PRMT2: variants seen among roughly 807,000 people sequenced by gnomAD.
The protein encoded by PRMT2 is protein arginine N-methyltransferase 2.
In PRMT2, 26 loss-of-function variants were observed where a neutral mutation model predicts 57.6. The observed-to-expected ratio is 0.45, with a 90% confidence interval of 0.33 to 0.63. The LOEUF (loss-of-function observed/expected upper bound fraction) is 0.63. PRMT2 is among the 20% of genes least tolerant of loss of function. The pLI is 0.02. For missense variants in PRMT2, 472 were observed against 564.4 expected (o/e 0.84, Z 1.66); for synonymous variants, 219 against 220.0 (o/e 1.00, Z 0.04).
At chr21:46,661,983 G>T in intron 10 of PRMT2, 47 bp downstream of exon 10, 2 of 265,146 alleles carry the variant, frequency 7.5e-6, no homozygotes, top group African/African-American at 5.1e-5. Flanking sequence ...GGGGGCAGGG[G>T]AGTAGGCGGG....
chr21:46,644,863 C>T (rs1471714271), intron 5 of PRMT2, among the ~76,000 whole-genome samples: 1 of 152,014 alleles, frequency 6.6e-6, no homozygotes, highest in African/African-American at 2.4e-5. Context: ...CGACCCCTGG[C>T]TTAGAGATAT....
chr21:46,643,090 A>C lies in PRMT2; in HGVS notation c.40-445A>C, dbSNP rs532783329. Among the ~76,000 whole-genome samples the C allele has an allele frequency of 3.8e-4, 58 of 152,134 alleles. No individual in the cohort carries two copies. In the South Asian group the frequency reaches 0.011, roughly 28 times the overall value. On this transcript the variant is annotated intron_variant, in intron 3 of 11. Coordinates refer to ENST00000355680, the MANE Select transcript of PRMT2 (RefSeq NM_206962.4). ...GGCTCCAAGGACCTGTGTGGGTCCAAGCTGGGCTCTGCTGCCTCGTGGAGG... is the reference window on the plus strand; with the variant it reads ...GGCTCCAAGGACCTGTGTGGGTCCACGCTGGGCTCTGCTGCCTCGTGGAGG...
intron 7 of PRMT2, chr21:46,653,707 GC>G: frequency 1.6e-6 from 2 of 1,258,132 alleles, no homozygotes; most frequent in Non-Finnish European, 2.0e-6. Flanking sequence ...TAGTTCTGGT[GC>G]CCACACGCAC....
rs1402285790 is a variant in PRMT2 at position 46,649,176 on chromosome 21, C to G, written c.490-399C>G. Among the ~76,000 whole-genome samples, 1 of 152,192 alleles carries G rather than the reference C, an allele frequency of 6.6e-6. No individual in the cohort carries two copies. Among genetic ancestry groups the G allele is most frequent in the Admixed American group, 6.5e-5 (1 of 15,276 alleles). On this transcript the variant is annotated intron_variant, in intron 6 of 11. Transcript: ENST00000355680. This position sits in a 1 kb window ranked among gnomAD's most constrained non-coding sequence, Gnocchi z 4.8. ...AGCGCTTGGGTGCTTCCCACCAGAC[C>G]CTTCCCTGAGAACCTGGGTTTGAAA...
intron 3 of PRMT2, among the ~76,000 whole-genome samples, chr21:46,640,827 G>C (rs2061259183): frequency 6.7e-6 from 1 of 150,180 alleles, no homozygotes; most frequent in Non-Finnish European, 1.5e-5. Context: ...TTTTGCTGCT[G>C]TTTGACATGT....
In PRMT2 at chr21:46,649,525, C is replaced by G; in HGVS notation, c.490-50C>G. On this transcript the variant is annotated intron_variant, in intron 6 of 11. Transcript: ENST00000355680. The surrounding 1 kb of genome is among the most constrained non-coding windows in gnomAD (Gnocchi z 4.8). ...GGTTGTGACTCAGGAGAGTAGATGA[C>G]GGGCCGTGTGCCGGCCGGATGTACG... The G allele has an allele frequency of 6.2e-7, 1 of 1,612,920 alleles. No homozygotes were observed. The highest frequency in any genetic ancestry group is 1.3e-5 in the African/African-American group (1 of 75,010).
chr21:46,643,741 T>G, intron 4 of PRMT2, 102 bp downstream of exon 4: 319 of 1,363,114 alleles, frequency 2.3e-4, no homozygotes, highest in Non-Finnish European at 2.9e-4. Context: ...TGAAGAGGTA[T>G]TCAGATGCGT....
At chr21:46,643,338 T>C in intron 3 of PRMT2, 197 bp from the exon 4 acceptor site, 13 of 1,094,888 alleles carry the variant, frequency 1.2e-5, no homozygotes, top group Middle Eastern at 3.6e-4. Flanking sequence ...AGATAATTTT[T>C]TTTTTTAGAA....
chr21:46,660,171 T>G, intron 8 of PRMT2: 2 of 978,528 alleles, frequency 2.0e-6, no homozygotes, highest in South Asian at 9.5e-5. Flanking sequence ...TTTGCTTATT[T>G]TTTACAACAT....
intron 5 of PRMT2, among the ~76,000 whole-genome samples, chr21:46,646,733 G>A (rs77198355): frequency 5.3e-5 from 8 of 152,180 alleles, no homozygotes; most frequent in Non-Finnish European, 8.8e-5. Context: ...TGTGTGTGTA[G>A]TGTGTACATG....
chr21:46,644,283 A>T, intron 4 of PRMT2, 23 bp from the exon 5 acceptor site: 1 of 1,597,802 alleles, frequency 6.3e-7, no homozygotes, highest in South Asian at 1.1e-5. Context: ...TTTCTTATTG[A>T]ATTTTAACTT....
intron 5 of PRMT2, among the ~76,000 whole-genome samples, chr21:46,646,875 G>T (rs545362021): frequency 1.9e-4 from 29 of 152,162 alleles, no homozygotes; most frequent in Admixed American, 1.6e-3. Context: ...TTTGTTTCTC[G>T]CAGTTCTGGA....
chr21:46,650,561 A>G (rs1181561837), intron 7 of PRMT2, among the ~76,000 whole-genome samples: 1 of 152,252 alleles, frequency 6.6e-6, no homozygotes, highest in Non-Finnish European at 1.5e-5. Flanking sequence ...CTGTGGAGCC[A>G]TAAGATGACA....
At chr21:46,659,818 G>T in intron 8 of PRMT2, 1 of 985,408 alleles carries the variant, frequency 1.0e-6, no homozygotes, top group Non-Finnish European at 1.2e-6. Context: ...TCCATCTGGT[G>T]GAGCACTGCT....
intron 5 of PRMT2, among the ~76,000 whole-genome samples, chr21:46,645,084 G>A (rs934322072): frequency 2.1e-5 from 3 of 144,432 alleles, no homozygotes; most frequent in African/African-American, 5.0e-5. Context: ...AATATAATTC[G>A]TCTCTACAAA....
chr21:46,637,769 A>G (rs1005394737), intron 3 of PRMT2, among the ~76,000 whole-genome samples: 7 of 121,774 alleles, frequency 5.7e-5, no homozygotes, highest in Non-Finnish European at 1.3e-4. Context: ...GTGTATATAC[A>G]TATATGTGTG....
chr21:46,660,757 G>A (rs1601954593), intron 8 of PRMT2, 76 bp from the exon 9 acceptor site: 8 of 1,541,616 alleles, frequency 5.2e-6, no homozygotes, highest in South Asian at 1.2e-5. Flanking sequence ...AGCACTCACC[G>A]CGGTCCCACG....
chr21:46,648,671 T>C lies in PRMT2; in HGVS notation c.489+52T>C. 6.3e-7 allele frequency: 1 copy of C among 1,593,100 alleles called. No individual in the cohort carries two copies. Among genetic ancestry groups the C allele is most frequent in the Non-Finnish European group, 8.6e-7 (1 of 1,165,990 alleles). On this transcript the variant is annotated intron_variant, in intron 6 of 11. Coordinates refer to ENST00000355680, the MANE Select transcript of PRMT2 (RefSeq NM_206962.4). This position sits in a 1 kb window ranked among gnomAD's most constrained non-coding sequence, Gnocchi z 4.8. The stretch of plus-strand genomic sequence containing the variant: ...GGTGTTTGTGCCGAGGCTGGTGACG[T>C]CCGAGGTGGCCTCTGAGTGTGCTGA...
chr21:46,664,574 CAGG>C lies in PRMT2; in HGVS notation c.*248_*250del. On this transcript the variant is annotated 3_prime_UTR_variant, in exon 12 of 12. Transcript: ENST00000355680. Reference sequence around the variant, plus strand: ...GCCCTCTAGAAGTAGGCTGTGTTTCCAGGTGTTCACCCGTGGTGCCCACAGTGC... The same window carrying C: ...GCCCTCTAGAAGTAGGCTGTGTTTCCTGTTCACCCGTGGTGCCCACAGTGC... 1.7e-6 allele frequency: 1 copy of C among 585,154 alleles called. No individual in the cohort carries two copies. The highest frequency in any genetic ancestry group is 2.9e-5 in the East Asian group (1 of 34,916). The allele number at this position is 585,154 out of a possible 1,614,324, so 36.2% of individuals were successfully genotyped here.
Sources: gnomAD v4.1 joint callset for allele counts (sites outside exome capture counted in the v4.1 genomes callset) on GRCh38, gnomAD v4.1.1 for gene constraint, Gnocchi (gnomAD v3.1) non-coding constraint, MANE v1.5 for transcripts, NCBI Gene and HGNC (gene_info 2026-07-23, HGNC 2026-07-21) for gene names.